The following VEPH1 variants were observed in gnomAD, a reference collection of about 807,000 sequenced individuals.
VEPH1 encodes the protein ventricular zone-expressed PH domain-containing protein homolog 1.
A neutral mutation model predicts 85.2 loss-of-function variants in VEPH1; 80 were observed. That is an observed-to-expected ratio of 0.94 (90% CI 0.78 to 1.13). The LOEUF is 1.13. VEPH1 is among the 50% of genes most tolerant of loss of function. VEPH1 has a pLI of 0.00. For missense variants in VEPH1, 955 were observed against 980.5 expected, an observed-to-expected ratio of 0.97 and a Z score of 0.35; for synonymous variants, 297 against 348.0, an observed-to-expected ratio of 0.85 and a Z score of 1.63.
chr3:157,484,267 T>A (rs1373694007), intron 2 of VEPH1, among the ~76,000 whole-genome samples: 1 of 152,132 alleles, frequency 6.6e-6, no homozygotes, highest in Admixed American at 6.6e-5. Flanking sequence ...TTTAGAGAGT[T>A]TATCATTAAC....
At chr3:157,275,625 A>C (rs1204203819) in intron 12 of VEPH1, among the ~76,000 whole-genome samples, 2 of 152,136 alleles carry the variant, frequency 1.3e-5, no homozygotes, top group Non-Finnish European at 2.9e-5. Context: ...ATGTATAGAT[A>C]TATATCAATA....
At chr3:157,317,600 G>A (rs1720877870) in intron 9 of VEPH1, among the ~76,000 whole-genome samples, 1 of 152,174 alleles carries the variant, frequency 6.6e-6, no homozygotes, top group Admixed American at 6.5e-5. Context: ...AACCATGGAT[G>A]CTGTTCTCTT....
chr3:157,368,592 T>C (rs1577465812), intron 7 of VEPH1, among the ~76,000 whole-genome samples: 2 of 152,078 alleles, frequency 1.3e-5, no homozygotes, highest in South Asian at 2.1e-4. Context: ...CGCGGGTTCA[T>C]GCCATTCTCC....
At chr3:157,398,504 C>T (rs1447021115) in intron 6 of VEPH1, among the ~76,000 whole-genome samples, 4 of 151,938 alleles carry the variant, frequency 2.6e-5, no homozygotes, top group South Asian at 2.1e-4. Context: ...CATGGTGGTG[C>T]GCAACTGTAG....
Position 157,354,406 on chromosome 3 carries a change from C to A in VEPH1, c.1735+8958G>T, listed in dbSNP as rs189074938. Among the ~76,000 whole-genome samples, 12 of 152,258 alleles carry A rather than the reference C, an allele frequency of 7.9e-5. No individual in the cohort carries two copies. The East Asian group carries it at 2.1e-3, about 27-fold the overall frequency. On this transcript the variant is annotated intron_variant, in intron 9 of 13. Coordinates refer to ENST00000362010, the MANE Select transcript of VEPH1 (RefSeq NM_001167912.2). ...CCCAACCCACCAGCACTGCTGACAG[C>A]TTTCCTTTGAAATATATCTGGAGTG... is the stretch of plus-strand genomic sequence containing the variant.
At chr3:157,429,779 A>T (rs2120243) in intron 4 of VEPH1, among the ~76,000 whole-genome samples, 1 of 151,986 alleles carries the variant, frequency 6.6e-6, no homozygotes, top group South Asian at 2.1e-4. Flanking sequence ...GTAAAGCCCA[A>T]GTTAGATTAT....
At chr3:157,349,687 C>A (rs1171154810) in intron 9 of VEPH1, among the ~76,000 whole-genome samples, 1 of 151,972 alleles carries the variant, frequency 6.6e-6, no homozygotes, top group Non-Finnish European at 1.5e-5. Context: ...AGTAAAGTTG[C>A]AGAATACAAA....
intron 11 of VEPH1, among the ~76,000 whole-genome samples, chr3:157,294,443 C>T (rs924478364): frequency 6.6e-6 from 1 of 152,118 alleles, no homozygotes; most frequent in Non-Finnish European, 1.5e-5. Context: ...TTGTTTGTTT[C>T]ACTCAAGATC....
At chr3:157,490,798 G>C (rs1739151119) in intron 2 of VEPH1, among the ~76,000 whole-genome samples, 1 of 152,110 alleles carries the variant, frequency 6.6e-6, no homozygotes, top group Non-Finnish European at 1.5e-5. Flanking sequence ...GCAATTACAA[G>C]TATTTAGAAC....
chr3:157,280,813 A>G (rs1057377190), intron 12 of VEPH1, among the ~76,000 whole-genome samples: 3 of 152,174 alleles, frequency 2.0e-5, no homozygotes, highest in Non-Finnish European at 4.4e-5. Context: ...ATTTTTTCCC[A>G]TGGGTATTCT....
intron 6 of VEPH1, 54 bp from the exon 7 acceptor site, chr3:157,381,430 G>A: frequency 6.3e-7 from 1 of 1,579,952 alleles, no homozygotes; most frequent in South Asian, 1.1e-5. Context: ...AATCATCCAG[G>A]CATGGTGGTC....
At chr3:157,350,860 G>GA (rs1161560349) in intron 9 of VEPH1, among the ~76,000 whole-genome samples, 1 of 151,624 alleles carries the variant, frequency 6.6e-6, no homozygotes, top group Admixed American at 6.6e-5. Context: ...TTATCAAAAA[G>GA]AAAAAAAATA....
At chr3:157,290,641 T>C (rs548987713) in intron 11 of VEPH1, among the ~76,000 whole-genome samples, 27 of 152,236 alleles carry the variant, frequency 1.8e-4, no homozygotes, top group Non-Finnish European at 1.0e-4. Flanking sequence ...CAAAAGAATG[T>C]TGAAGTTCAA....
In VEPH1 at chr3:157,412,968, G is replaced by C. The variant is rs1731639994; in HGVS notation, c.906+913C>G. Among the ~76,000 whole-genome samples, 3 of 152,124 alleles carry C rather than the reference G, an allele frequency of 2.0e-5. No homozygotes were observed. In the South Asian group the frequency reaches 6.2e-4, roughly 32 times the overall value. On this transcript the variant is annotated intron_variant, in intron 6 of 13. Transcript: ENST00000362010. ...GGGTTACTCACTCAATCTGAGTTTG[G>C]GTAAGTCACATAATGTTTCTGTTTT...
intron 9 of VEPH1, among the ~76,000 whole-genome samples, chr3:157,360,543 T>C (rs1275739614): frequency 2.0e-5 from 3 of 152,142 alleles, no homozygotes; most frequent in African/African-American, 7.2e-5. Context: ...TGACTTATGA[T>C]GGGGTTATGT....
chr3:157,491,700 CATG>C (rs1739224426), intron 2 of VEPH1, among the ~76,000 whole-genome samples: 1 of 152,066 alleles, frequency 6.6e-6, no homozygotes, highest in Non-Finnish European at 1.5e-5. Context: ...TTGACAGAAT[CATG>C]ATGTTTAAAA....
chr3:157,496,200 G>A (rs1356566041), intron 1 of VEPH1, among the ~76,000 whole-genome samples: 2 of 152,206 alleles, frequency 1.3e-5, no homozygotes, highest in Non-Finnish European at 1.5e-5. Context: ...GAGGGCTTTG[G>A]GATCAGGCAA....
Position 157,376,404 on chromosome 3 carries a change from C to A in VEPH1, c.1127+4752G>T, listed in dbSNP as rs570088494. Among the ~76,000 whole-genome samples the A allele has an allele frequency of 2.0e-5, 3 of 152,352 alleles. No individual in the cohort carries two copies. The South Asian group carries it at 6.2e-4, about 32-fold the overall frequency. On this transcript the variant is annotated intron_variant, in intron 7 of 13. Coordinates refer to ENST00000362010, the MANE Select transcript of VEPH1 (RefSeq NM_001167912.2). ...TCACCCTCTCCCTCCCCAGCTTCAA[C>A]TGGGCCCTGGCAGACAAATAACTTG... is the stretch of plus-strand genomic sequence containing the variant.
chr3:157,428,222 G>T, intron 5 of VEPH1, 100 bp downstream of exon 5: 1 of 1,292,502 alleles, frequency 7.7e-7, no homozygotes, highest in Non-Finnish European at 1.0e-6. Context: ...ATGGGCATTT[G>T]TAAATGTATG....
Sources: gnomAD v4.1 joint callset for allele counts (sites outside exome capture counted in the v4.1 genomes callset) on GRCh38, gnomAD v4.1.1 for gene constraint, MANE v1.5 for transcripts, NCBI Gene and HGNC (gene_info 2026-07-23, HGNC 2026-07-21) for gene names.